Variants in CDH12 observed in about 807,000 individuals in gnomAD.
CDH12 encodes cadherin 12, also known as cadherin-12.
Under a neutral mutation model 74.1 loss-of-function variants are expected in CDH12, and 41 were observed. That is an observed-to-expected ratio of 0.55 (90% confidence interval 0.43 to 0.72). The LOEUF is 0.72. Ranked by LOEUF, CDH12 falls within the 30% of genes least tolerant of loss-of-function variation. CDH12 has a pLI of 0.00. For synonymous variants in CDH12, 399 were observed against 355.0 expected (o/e 1.12, Z -1.39); for missense variants, 945 against 977.2 (o/e 0.97, Z 0.44).
chr5:22,648,763 G>T (rs923112401), intron 1 of CDH12, among the ~76,000 whole-genome samples: 1 of 150,664 alleles, frequency 6.6e-6, no homozygotes, highest in Non-Finnish European at 1.5e-5. Context: ...TATTATTTAT[G>T]CAATCACAAA....
intron 1 of CDH12, among the ~76,000 whole-genome samples, chr5:22,728,754 C>A (rs1008338335): frequency 1.3e-5 from 2 of 151,732 alleles, no homozygotes; most frequent in African/African-American, 2.4e-5. Context: ...TCTCACGTGG[C>A]GGAGAGCAGA....
At chr5:22,607,439 G>A (rs546093922) in intron 1 of CDH12, among the ~76,000 whole-genome samples, 5 of 152,262 alleles carry the variant, frequency 3.3e-5, no homozygotes, top group East Asian at 1.9e-4. Context: ...GAGGCAAAAG[G>A]CACTGCTTCC....
At chr5:22,153,665 G>C (rs1333265110) in intron 4 of CDH12, among the ~76,000 whole-genome samples, 1 of 149,894 alleles carries the variant, frequency 6.7e-6, no homozygotes, top group Non-Finnish European at 1.5e-5. Flanking sequence ...GACCAAATGA[G>C]AAACTTGATG....
chr5:21,921,414 T>G (rs1274198246), intron 6 of CDH12, among the ~76,000 whole-genome samples: 1 of 152,214 alleles, frequency 6.6e-6, no homozygotes, highest in Non-Finnish European at 1.5e-5. Flanking sequence ...ATTTGTTCTT[T>G]TTTTGAATTT....
chr5:21,798,589 G>C (rs1225981134), intron 10 of CDH12, among the ~76,000 whole-genome samples: 1 of 152,030 alleles, frequency 6.6e-6, no homozygotes, highest in South Asian at 2.1e-4. Context: ...ATGATATATG[G>C]ATAGGCTTTG....
chr5:21,901,561 T>A (rs1753384980), intron 6 of CDH12, among the ~76,000 whole-genome samples: 1 of 152,184 alleles, frequency 6.6e-6, no homozygotes. Flanking sequence ...AACTACTGCT[T>A]CAATGCTTTC....
intron 1 of CDH12, among the ~76,000 whole-genome samples, chr5:22,726,083 C>G (rs1034569808): frequency 6.6e-6 from 1 of 151,448 alleles, no homozygotes; most frequent in African/African-American, 2.4e-5. Flanking sequence ...TATTAAGGCC[C>G]CTTCTTGTTA....
chr5:22,721,537 T>A (rs1743887718), intron 1 of CDH12, among the ~76,000 whole-genome samples: 2 of 152,168 alleles, frequency 1.3e-5, no homozygotes, highest in South Asian at 4.1e-4. Flanking sequence ...CAGGTGAGAC[T>A]TTGGACTATG....
At chr5:22,634,395 A>G (rs1298256000) in intron 1 of CDH12, among the ~76,000 whole-genome samples, 4 of 152,156 alleles carry the variant, frequency 2.6e-5, no homozygotes, top group Non-Finnish European at 5.9e-5. Context: ...AAATGGAAAA[A>G]AGTACCAGGT....
intron 6 of CDH12, among the ~76,000 whole-genome samples, chr5:21,951,828 A>G (rs4028767): frequency 6.6e-6 from 1 of 152,244 alleles, no homozygotes; most frequent in Non-Finnish European, 1.5e-5. Flanking sequence ...TCTCTCAAAT[A>G]GCAGGAAAGA....
At chr5:22,726,401 A>C (rs1744165525) in intron 1 of CDH12, among the ~76,000 whole-genome samples, 1 of 151,708 alleles carries the variant, frequency 6.6e-6, no homozygotes, top group Non-Finnish European at 1.5e-5. Context: ...GCTAAATAAT[A>C]ATTCATCGTC....
At chr5:22,515,559 A>T (rs1736774441) in intron 1 of CDH12, among the ~76,000 whole-genome samples, 1 of 152,074 alleles carries the variant, frequency 6.6e-6, no homozygotes, top group South Asian at 2.1e-4. Flanking sequence ...CATTATTTAT[A>T]ATTATTTAGA....
intron 8 of CDH12, among the ~76,000 whole-genome samples, chr5:21,833,096 ATT>A (rs1325004149): frequency 2.9e-5 from 2 of 68,904 alleles, no homozygotes; most frequent in Non-Finnish European, 5.2e-5. Context: ...ATAAATATAT[ATT>A]ATATATTATA....
chr5:22,265,761 T>C (rs1753681018), intron 3 of CDH12, among the ~76,000 whole-genome samples: 1 of 152,058 alleles, frequency 6.6e-6, no homozygotes, highest in South Asian at 2.1e-4. Context: ...TCAAAAGAAG[T>C]GCTTCCCATT....
chr5:21,757,262 G>T (rs962954908), intron 13 of CDH12, among the ~76,000 whole-genome samples: 2 of 152,108 alleles, frequency 1.3e-5, no homozygotes, highest in Admixed American at 1.3e-4. Flanking sequence ...TGCAACCTCC[G>T]CCTCCTGGGT....
chr5:22,719,444 C>A (rs1192493681), intron 1 of CDH12, among the ~76,000 whole-genome samples: 3 of 152,142 alleles, frequency 2.0e-5, no homozygotes, highest in Non-Finnish European at 4.4e-5. Context: ...AGCCTTCCAT[C>A]CTTTGCATTT....
chr5:22,551,002 G>C (rs934138987), intron 1 of CDH12, among the ~76,000 whole-genome samples: 20 of 152,010 alleles, frequency 1.3e-4, no homozygotes, highest in Non-Finnish European at 2.8e-4. Context: ...TGTAGCTTTG[G>C]GCAAGAATCG....
chr5:22,055,484 G>C (rs1256340710), intron 5 of CDH12, among the ~76,000 whole-genome samples: 1 of 151,912 alleles, frequency 6.6e-6, no homozygotes, highest in Non-Finnish European at 1.5e-5. Context: ...CACAATTCTT[G>C]CTCTTTTCCA....
At chr5:22,226,078 T>C (rs1024066051) in intron 3 of CDH12, among the ~76,000 whole-genome samples, 1 of 151,866 alleles carries the variant, frequency 6.6e-6, no homozygotes, top group African/African-American at 2.4e-5. Context: ...GTCTTCCCTT[T>C]TCTTTTTTTT....
Sources: gnomAD v4.1 joint callset for allele counts (sites outside exome capture counted in the v4.1 genomes callset) on GRCh38, gnomAD v4.1.1 for gene constraint, MANE v1.5 for transcripts, NCBI Gene and HGNC (gene_info 2026-07-23, HGNC 2026-07-21) for gene names.